LRRC18: variants seen among roughly 807,000 people sequenced by gnomAD.
LRRC18 encodes leucine rich repeat containing 18, also known as leucine-rich repeat-containing protein 18.
In LRRC18, 12 loss-of-function variants were observed where a neutral mutation model predicts 11.2. The observed-to-expected ratio is 1.07, with a 90% CI of 0.69 to 1.74. The LOEUF (loss-of-function observed/expected upper bound fraction) is 1.74, where lower values mean the gene tolerates loss of function less well. LRRC18 is among the 40% of genes most tolerant of loss of function. The pLI is 0.00. For missense variants in LRRC18, 374 were observed against 330.5 expected, an observed-to-expected ratio of 1.13 and a Z score of -1.02; for synonymous variants, 155 against 130.6, an observed-to-expected ratio of 1.19 and a Z score of -1.27.
chr10:48,911,459 G>A (rs1837997575), intron 1 of LRRC18, among the ~76,000 whole-genome samples: 1 of 152,152 alleles, frequency 6.6e-6, no homozygotes, highest in Non-Finnish European at 1.5e-5. Flanking sequence ...ATTTTAAAAT[G>A]TTTTAGTTAT....
At chr10:48,922,362 A>C in the LRRC18 span, among the ~76,000 whole-genome samples, 3 of 152,182 alleles carry the variant, frequency 2.0e-5, no homozygotes, top group African/African-American at 7.2e-5. Flanking sequence ...TGATGCTGGT[A>C]GTTCAGATAT....
At chr10:48,938,596 A>G in the LRRC18 span, among the ~76,000 whole-genome samples, 1 of 152,212 alleles carries the variant, frequency 6.6e-6, no homozygotes, top group African/African-American at 2.4e-5. Flanking sequence ...GAGCTGGCCC[A>G]AGGGAGAAGA....
At chr10:48,939,730 A>G in the LRRC18 span, among the ~76,000 whole-genome samples, 2 of 152,350 alleles carry the variant, frequency 1.3e-5, no homozygotes, top group East Asian at 3.8e-4. Context: ...CAATATTTTT[A>G]AAAAATAGAT....
chr10:48,914,023 A>C, exon 1 of LRRC18: 1 of 1,614,190 alleles, frequency 6.2e-7, no homozygotes, highest in Non-Finnish European at 8.5e-7. Flanking sequence ...CGCAGAATAC[A>C]CTTGGGGAAG....
At chr10:48,914,525 C>T (rs574976919), upstream of LRRC18, among the ~76,000 whole-genome samples, 1 of 152,344 alleles carries the variant, frequency 6.6e-6, no homozygotes, top group Non-Finnish European at 1.5e-5. Flanking sequence ...CTGTCCCAGA[C>T]TGTCACGTAC....
At chr10:48,928,944 C>T in the LRRC18 span, among the ~76,000 whole-genome samples, 259 of 152,238 alleles carry the variant, frequency 1.7e-3, 1 homozygote, top group African/African-American at 5.8e-3. Flanking sequence ...AATGAAGGTC[C>T]CGCTCACATT....
the LRRC18 span, among the ~76,000 whole-genome samples, chr10:48,927,475 C>T: frequency 1.3e-5 from 2 of 152,190 alleles, no homozygotes; most frequent in Non-Finnish European, 2.9e-5. Context: ...TCAAAACTTC[C>T]ACCCACATGC....
At chr10:48,937,810 G>A in the LRRC18 span, among the ~76,000 whole-genome samples, 3 of 152,122 alleles carry the variant, frequency 2.0e-5, no homozygotes, top group Non-Finnish European at 4.4e-5. Context: ...GCCCTGCCTG[G>A]GTTTAAAAAG....
upstream of LRRC18, among the ~76,000 whole-genome samples, chr10:48,914,692 G>T (rs1429706201): frequency 6.6e-6 from 1 of 152,136 alleles, no homozygotes; most frequent in African/African-American, 2.4e-5. Context: ...GAATAAGGTG[G>T]GTACTAAGAC....
At chr10:48,933,015 T>C in the LRRC18 span, among the ~76,000 whole-genome samples, 1 of 151,922 alleles carries the variant, frequency 6.6e-6, no homozygotes, top group African/African-American at 2.4e-5. Context: ...AGGATAACGC[T>C]GGCCGTGGGG....
At chr10:48,913,990 C>A (rs542180962) in exon 1 of LRRC18, 3 of 1,614,144 alleles carry the variant, frequency 1.9e-6, no homozygotes, top group Admixed American at 1.7e-5. Flanking sequence ...CGGCTAAGGT[C>A]CAGCTCGTCC....
the LRRC18 span, among the ~76,000 whole-genome samples, chr10:48,920,423 G>A: frequency 3.3e-5 from 5 of 151,976 alleles, no homozygotes; most frequent in South Asian, 2.1e-4. Flanking sequence ...GTTAAATGAC[G>A]AATTAATGGG....
chr10:48,933,314 T>A, the LRRC18 span, among the ~76,000 whole-genome samples: 14 of 152,330 alleles, frequency 9.2e-5, no homozygotes, highest in East Asian at 2.5e-3. Context: ...TCATTTAATC[T>A]AGTCACTCCA....
the LRRC18 span, among the ~76,000 whole-genome samples, chr10:48,922,549 G>A: frequency 6.6e-6 from 1 of 152,214 alleles, no homozygotes; most frequent in Non-Finnish European, 1.5e-5. Flanking sequence ...ATGATGAATT[G>A]TTGTTCATCT....
upstream of LRRC18, among the ~76,000 whole-genome samples, chr10:48,919,069 G>A (rs1181921398): frequency 6.6e-6 from 1 of 151,986 alleles, no homozygotes; most frequent in Non-Finnish European, 1.5e-5. Flanking sequence ...ACTATATTTT[G>A]GGTCATGAAA....
chr10:48,939,560 C>A, the LRRC18 span, among the ~76,000 whole-genome samples: 4 of 152,290 alleles, frequency 2.6e-5, no homozygotes, highest in African/African-American at 9.6e-5. Context: ...TTTGCAACAT[C>A]TTATTTAATC....
exon 1 of LRRC18, chr10:48,914,169 G>C (rs1838284780): frequency 6.8e-6 from 11 of 1,607,072 alleles, no homozygotes; most frequent in African/African-American, 4.0e-5. Context: ...CTTTTAGTAA[G>C]GGAGTGTTAG....
At chr10:48,914,986 G>A (rs116364139), upstream of LRRC18, among the ~76,000 whole-genome samples, 501 of 152,248 alleles carry the variant, frequency 3.3e-3, 4 homozygotes, top group African/African-American at 0.011. Context: ...ATAAATGGCC[G>A]TGACTGCCTC....
upstream of LRRC18, among the ~76,000 whole-genome samples, chr10:48,918,736 T>G (rs912472551): frequency 7.3e-6 from 1 of 136,926 alleles, no homozygotes; most frequent in Non-Finnish European, 1.7e-5. Flanking sequence ...CAGGTAATTA[T>G]TTGTTGTCAG....
Sources: allele counts gnomAD v4.1 joint callset (sites outside exome capture counted in the v4.1 genomes callset), GRCh38; gene constraint gnomAD v4.1.1; transcripts MANE v1.5; gene names NCBI Gene and HGNC (gene_info 2026-07-23, HGNC 2026-07-21).